The following CYP4F2 variants were observed in gnomAD, a reference collection of about 807,000 sequenced individuals.
The protein encoded by CYP4F2 is cytochrome P450 4F2.
A neutral mutation model predicts 58.9 loss-of-function variants in CYP4F2; 58 were observed. The observed-to-expected ratio is 0.98, with a 90% CI of 0.80 to 1.23. The LOEUF (loss-of-function observed/expected upper bound fraction) is 1.23, where lower values mean the gene tolerates loss of function less well. Ranked by LOEUF, CYP4F2 falls within the 50% of genes most tolerant of loss-of-function variation. The pLI is 0.00. For synonymous variants in CYP4F2, 287 were observed against 261.1 expected, an observed-to-expected ratio of 1.10 and a Z score of -0.95; for missense variants, 616 against 685.6, an observed-to-expected ratio of 0.90 and a Z score of 1.13.
intron 9 of CYP4F2, 95 bp from the exon 10 acceptor site, chr19:15,879,992 A>G (rs922953317): frequency 6.4e-7 from 1 of 1,571,328 alleles, no homozygotes; most frequent in Non-Finnish European, 8.6e-7. Context: ...TTCTCCCCGC[A>G]ATAAAATAAA....
At chr19:15,879,020 C>T (rs1239598621) in intron 12 of CYP4F2, 84 bp from the exon 13 acceptor site, 1 of 1,568,692 alleles carries the variant, frequency 6.4e-7, no homozygotes, top group African/African-American at 1.3e-5. Context: ...CTGGGACACC[C>T]AACCCCACCT....
chr19:15,886,477 C>G, intron 7 of CYP4F2, 169 bp from the exon 8 acceptor site: 1 of 803,384 alleles, frequency 1.2e-6, no homozygotes, highest in Non-Finnish European at 2.0e-6. Flanking sequence ...TGGCCAGAGC[C>G]CTCACCTCAT....
intron 1 of CYP4F2, 23 bp downstream of exon 1, chr19:15,898,003 G>A (rs2089459260): frequency 8.6e-6 from 2 of 231,478 alleles, no homozygotes; most frequent in South Asian, 5.1e-5. Flanking sequence ...CCCCCCCCAG[G>A]CCTGCCACCC....
intron 9 of CYP4F2, among the ~76,000 whole-genome samples, chr19:15,884,830 C>G (rs1176299877): frequency 6.6e-6 from 1 of 152,098 alleles, no homozygotes; most frequent in Non-Finnish European, 1.5e-5. Context: ...TGCCTTCATT[C>G]TACAGCTGGT....
rs369457732 is a variant in CYP4F2 at position 15,892,257 on chromosome 19, T to C, written c.525+52A>G. ...CAAAACTCCAGACTAGATCTCTCTG[T>C]TGTCCTTTCACCCCAAGGCTGCAAG... On this transcript the variant is annotated intron_variant, in intron 5 of 12. Transcript: ENST00000221700. 3.1e-6 allele frequency: 5 copies of C among 1,611,714 alleles called. No homozygotes were observed. In the East Asian group the frequency reaches 1.1e-4, roughly 36 times the overall value.
chr19:15,895,457 G>T (rs1370425076), intron 3 of CYP4F2, 49 bp downstream of exon 3: 4 of 1,459,948 alleles, frequency 2.7e-6, no homozygotes, highest in Non-Finnish European at 3.6e-6. Flanking sequence ...GGGGATAGCG[G>T]AAGTGCAGGC....
chr19:15,886,412 C>T (rs2089380771), intron 7 of CYP4F2, 104 bp from the exon 8 acceptor site: 1 of 1,449,852 alleles, frequency 6.9e-7, no homozygotes. Context: ...GAAGATTCAT[C>T]CTTTTTCCAG....
At chr19:15,890,042 C>T (rs2089407309) in intron 6 of CYP4F2, among the ~76,000 whole-genome samples, 2 of 152,168 alleles carry the variant, frequency 1.3e-5, no homozygotes, top group South Asian at 4.1e-4. Flanking sequence ...CATGGTCTAG[C>T]TTTCACCCTA....
At chr19:15,888,764 T>C (rs2089398208) in intron 7 of CYP4F2, among the ~76,000 whole-genome samples, 1 of 151,878 alleles carries the variant, frequency 6.6e-6, no homozygotes, top group Admixed American at 6.6e-5. Context: ...CAGACAAAGA[T>C]ATAGACATAG....
intron 2 of CYP4F2, among the ~76,000 whole-genome samples, chr19:15,896,011 C>T (rs115111425): frequency 6.6e-6 from 1 of 151,922 alleles, no homozygotes. Flanking sequence ...ATCCATCCAT[C>T]CTATCTGTGC....
At chr19:15,886,570 T>C (rs1180651694) in intron 7 of CYP4F2, 1 of 423,356 alleles carries the variant, frequency 2.4e-6, no homozygotes, top group African/African-American at 2.0e-5. Context: ...AATGAAAAGT[T>C]TCTGAGAAAA....
At chr19:15,891,085 C>T (rs1370582133) in intron 5 of CYP4F2, among the ~76,000 whole-genome samples, 2 of 152,116 alleles carry the variant, frequency 1.3e-5, no homozygotes, top group Non-Finnish European at 2.9e-5. Flanking sequence ...TCTTTCTGGG[C>T]ATGTCATGAA....
Position 15,886,274 on chromosome 19 carries a change from A to G in CYP4F2, c.953T>C (p.Ile318Thr), listed in dbSNP as rs897511827. 3.1e-6 allele frequency: 5 copies of G among 1,613,786 alleles called. No homozygotes were observed. The highest frequency in any genetic ancestry group is 4.2e-6 in the Non-Finnish European group (5 of 1,179,980). Reference sequence around the variant, plus strand: ...CATAAAGGTGTCAGCTTCTGCTCTTATGTCCTCATCAGATAACTTCTTCCC... The same window carrying G: ...CATAAAGGTGTCAGCTTCTGCTCTTGTGTCCTCATCAGATAACTTCTTCCC... ...EDGKKLSDED[I>T]RAEADTFMFE... The change falls in exon 8 of 13, where the codon ATA becomes ACA. Residue 318 changes from isoleucine (I) to threonine (T), a missense_variant. Physicochemically the swap from Ile to Thr is moderately conservative, Grantham distance 89. Transcript: ENST00000221700.
intron 1 of CYP4F2, 123 bp from the exon 2 acceptor site, chr19:15,897,735 T>TGGGTAAAAAGGGGCTGAG: frequency 8.0e-7 from 1 of 1,253,498 alleles, no homozygotes; most frequent in South Asian, 1.4e-5. Context: ...GGCTCAGGGA[T>TGGGTAAAAAGGGGCTGAG]GGGTAAAAAG....
rs929252768 is a variant in CYP4F2, at chr19:15,886,376, C to T, written c.919-68G>A. ...AAAAGTCACACTAGCTCTAAGGGCTCTTGAGTCTAATCTGAGACAGTCTCT... is the reference window on the plus strand; with the variant it reads ...AAAAGTCACACTAGCTCTAAGGGCTTTTGAGTCTAATCTGAGACAGTCTCT... On this transcript the variant is annotated intron_variant, in intron 7 of 12. Transcript: ENST00000221700. 13 of 1,396,528 alleles carry T rather than the reference C, an allele frequency of 9.3e-6. No homozygotes were observed. The African/African-American group carries it at 1.8e-4, about 19-fold the overall frequency. The allele number at this position is 1,396,528 out of a possible 1,614,324, so 86.5% of individuals were successfully genotyped here. A position where few individuals can be genotyped will look rare whatever the true frequency, so the allele number is the denominator to read the frequency against.
At chr19:15,889,336 CCT>C (rs1357010808) in intron 7 of CYP4F2, 85 bp downstream of exon 7, 1 of 1,607,100 alleles carries the variant, frequency 6.2e-7, no homozygotes, top group Non-Finnish European at 8.5e-7. Flanking sequence ...TCCCTAGTGC[CCT>C]CTTAATCAAG....
intron 7 of CYP4F2, among the ~76,000 whole-genome samples, chr19:15,888,909 C>T (rs1437361121): frequency 1.3e-5 from 2 of 152,102 alleles, no homozygotes; most frequent in Non-Finnish European, 2.9e-5. Context: ...CAGATATACA[C>T]ATACACATAG....
At chr19:15,895,288 G>A (rs112443547) in intron 3 of CYP4F2, among the ~76,000 whole-genome samples, 1 of 152,258 alleles carries the variant, frequency 6.6e-6, no homozygotes, top group African/African-American at 2.4e-5. Flanking sequence ...AGGTCTCTTA[G>A]GGTTCCAGGG....
intron 9 of CYP4F2, among the ~76,000 whole-genome samples, chr19:15,884,338 G>A (rs3093180): frequency 0.14 from 21,356 of 152,158 alleles, 1,644 homozygotes; most frequent in Non-Finnish European, 0.17. Context: ...ATTGGTAGAA[G>A]GGAGGGAGGG....
Sources: gnomAD v4.1 joint callset for allele counts (sites outside exome capture counted in the v4.1 genomes callset) on GRCh38, gnomAD v4.1.1 for gene constraint, MANE v1.5 for transcripts, NCBI Gene and HGNC (gene_info 2026-07-23, HGNC 2026-07-21) for gene names.